Variants in CHM observed in about 807,000 individuals in gnomAD.
CHM encodes CHM Rab escort protein.
Under a neutral mutation model 49.0 loss-of-function variants are expected in CHM, and 10 were observed. The observed-to-expected ratio is 0.20, with a 90% confidence interval of 0.13 to 0.35. The LOEUF (loss-of-function observed/expected upper bound fraction) is 0.35, where lower values mean the gene tolerates loss of function less well. Ranked by LOEUF, CHM falls within the 10% of genes least tolerant of loss-of-function variation. The pLI is 1.00. For missense variants in CHM, 455 were observed against 478.4 expected (o/e 0.95, Z 0.46); for synonymous variants, 184 against 167.5 (o/e 1.10, Z -0.76).
intron 4 of CHM, chrX:85,971,104 CTATA>C (rs1301388896): frequency 6.6e-5 from 41 of 622,989 alleles, no homozygotes; most frequent in Admixed American, 9.0e-5. Context: ...TAAATACACC[CTATA>C]TATTTATATT....
intron 2 of CHM, among the ~76,000 whole-genome samples, chrX:86,006,336 C>T (rs1932854025): frequency 9.0e-6 from 1 of 111,707 alleles, no homozygotes; most frequent in African/African-American, 3.3e-5. Context: ...GGAAGCATTC[C>T]CTTTGAAAAC....
intron 8 of CHM, among the ~76,000 whole-genome samples, chrX:85,941,357 C>T (rs1234428312): frequency 9.0e-6 from 1 of 111,440 alleles, no homozygotes; most frequent in Non-Finnish European, 1.9e-5. Context: ...GTAAGAAATG[C>T]TGGAGATGGA....
At chrX:86,035,617 A>G (rs777515744) in intron 1 of CHM, among the ~76,000 whole-genome samples, 1 of 110,885 alleles carries the variant, frequency 9.0e-6, no homozygotes, top group African/African-American at 3.3e-5. Context: ...TGTTAAGCAC[A>G]TGTTAAACAA....
intron 2 of CHM, among the ~76,000 whole-genome samples, chrX:85,991,004 T>C (rs1370806089): frequency 8.9e-6 from 1 of 111,850 alleles, no homozygotes; most frequent in Non-Finnish European, 1.9e-5. Flanking sequence ...ATTCTAATTA[T>C]TAAGAAATTA....
chrX:85,935,155 T>C (rs1329820234), intron 8 of CHM, among the ~76,000 whole-genome samples: 3 of 109,932 alleles, frequency 2.7e-5, no homozygotes, highest in African/African-American at 9.9e-5. Context: ...AAAGAGGGAG[T>C]AGATGTGTCA....
chrX:85,951,948 C>T (rs1929773721), intron 8 of CHM, among the ~76,000 whole-genome samples: 2 of 111,843 alleles, frequency 1.8e-5, no homozygotes, highest in South Asian at 7.4e-4. Context: ...TAGCATTGAA[C>T]TTGGTGCTGC....
chrX:85,954,661 A>C (rs1929918383), intron 8 of CHM, among the ~76,000 whole-genome samples: 1 of 111,360 alleles, frequency 9.0e-6, no homozygotes, highest in Non-Finnish European at 1.9e-5. Flanking sequence ...TGGGAGGCTG[A>C]GATGGGTGGA....
chrX:85,873,256 T>C, intron 13 of CHM, 44 bp from the exon 14 acceptor site: 1 of 952,257 alleles, frequency 1.1e-6, no homozygotes, highest in Non-Finnish European at 1.5e-6. Flanking sequence ...AAATACAATA[T>C]GTTTGTCAAT....
chrX:86,027,525 A>C lies in CHM; in HGVS notation c.82T>G (p.Ser28Ala), dbSNP rs184699911. 8.3e-7 allele frequency: 1 copy of C among 1,207,991 alleles called. No individual in the cohort carries two copies. Among genetic ancestry groups the C allele is most frequent in the East Asian group, 3.0e-5 (1 of 33,729 alleles). The change falls in exon 2 of 15, where the codon TCA becomes GCA. Residue 28 changes from serine to alanine, a missense_variant. Coordinates refer to ENST00000357749, the MANE Select transcript of CHM (RefSeq NM_000390.4). ...LPESIIAAAC[S>A]RSGRRVLHVD... is the part of the protein sequence containing the mutation. ...TGCAGAACTCTCCGGCCACTTCTTG[A>C]ACATGCAGCTGCAATGATGGATTCA... is the stretch of plus-strand genomic sequence containing the variant.
rs769989800 is a variant in CHM at position 86,013,330 on chromosome X, A to G, written c.116+14161T>C. The stretch of plus-strand genomic sequence containing the variant: ...CACCTCCAGTGGAAGGCCCAGGACC[A>G]GGTGAGGTCCAGGCGTGGGGATGTT... On this transcript the variant is annotated intron_variant, in intron 2 of 14. Transcript: ENST00000357749. 1.1e-3 allele frequency among the ~76,000 whole-genome samples: 127 copies of G among 111,996 alleles called. 1 individual carries two copies. The highest frequency in any genetic ancestry group is 4.1e-3 in the South Asian group (11 of 2,655).
intron 2 of CHM, among the ~76,000 whole-genome samples, chrX:85,984,774 A>G (rs1013927327): frequency 2.7e-5 from 3 of 112,474 alleles, no homozygotes; most frequent in African/African-American, 9.7e-5. Flanking sequence ...AATAGAAAGG[A>G]ATAATCACCT....
intron 11 of CHM, among the ~76,000 whole-genome samples, chrX:85,894,625 G>A (rs1047154484): frequency 1.8e-5 from 2 of 111,200 alleles, no homozygotes; most frequent in African/African-American, 3.3e-5. Flanking sequence ...ATGCTCTAAG[G>A]AAATGCTCAT....
At chrX:85,871,304 CA>C (rs150005971) in intron 14 of CHM, among the ~76,000 whole-genome samples, 25 of 62,059 alleles carry the variant, frequency 4.0e-4, no homozygotes, top group African/African-American at 1.6e-3. Context: ...AAGACTGTCT[CA>C]AAAAAAAAAA....
intron 1 of CHM, among the ~76,000 whole-genome samples, chrX:86,035,072 G>A (rs1934183585): frequency 8.9e-6 from 1 of 111,856 alleles, no homozygotes; most frequent in Non-Finnish European, 1.9e-5. Flanking sequence ...AAAACTAGGG[G>A]AGGGTAACAG....
chrX:86,034,571 A>G (rs903508564), intron 1 of CHM, among the ~76,000 whole-genome samples: 1 of 111,642 alleles, frequency 9.0e-6, no homozygotes, highest in African/African-American at 3.3e-5. Context: ...ACCTGAGGTC[A>G]GAAGTTCGAG....
intron 1 of CHM, among the ~76,000 whole-genome samples, chrX:86,033,826 C>T: frequency 9.0e-6 from 1 of 111,647 alleles, no homozygotes; most frequent in Non-Finnish European, 1.9e-5. Flanking sequence ...CTCTAACCTC[C>T]CCACAAAATA....
intron 5 of CHM, among the ~76,000 whole-genome samples, chrX:85,961,723 G>A (rs775566001): frequency 2.1e-4 from 23 of 111,300 alleles, no homozygotes; most frequent in Non-Finnish European, 1.9e-5. Context: ...TAGTTATTTT[G>A]TAGAACGTAT....
intron 8 of CHM, among the ~76,000 whole-genome samples, chrX:85,927,360 A>T (rs966504335): frequency 8.9e-6 from 1 of 112,029 alleles, no homozygotes; most frequent in African/African-American, 3.2e-5. Context: ...AACTGTAAAA[A>T]AATACAAAAC....
intron 1 of CHM, among the ~76,000 whole-genome samples, chrX:86,030,013 G>A (rs191579557): frequency 2.1e-4 from 24 of 111,884 alleles, no homozygotes; most frequent in African/African-American, 7.8e-4. Flanking sequence ...ATTTTCACCA[G>A]ATGCCAGCTC....
Sources: gnomAD v4.1 joint callset for allele counts (sites outside exome capture counted in the v4.1 genomes callset) on GRCh38, gnomAD v4.1.1 for gene constraint, MANE v1.5 for transcripts, NCBI Gene and HGNC (gene_info 2026-07-23, HGNC 2026-07-21) for gene names.